TEP1: variants seen among roughly 807,000 people sequenced by gnomAD.
The protein encoded by TEP1 is telomerase protein component 1.
In TEP1, 241 loss-of-function variants were observed where a neutral mutation model predicts 306.3. That is an observed-to-expected ratio of 0.79 (90% CI 0.71 to 0.88). The LOEUF (loss-of-function observed/expected upper bound fraction) is 0.88, where lower values mean the gene tolerates loss of function less well. Among genes scored for constraint, TEP1 ranks in the 40% least tolerant of loss-of-function variants. The pLI is 0.00. For missense variants in TEP1, 3,051 were observed against 3,276.1 expected (o/e 0.93, Z 1.68); for synonymous variants, 1,289 against 1,305.5 (o/e 0.99, Z 0.27).
intron 5 of TEP1, 86 bp downstream of exon 5, chr14:20,404,525 T>C: frequency 6.7e-7 from 1 of 1,499,438 alleles, no homozygotes; most frequent in Non-Finnish European, 8.9e-7. Context: ...GGAAACCAAA[T>C]TGCCTGAGAA....
rs760721934 is a variant in TEP1, at chr14:20,373,673, G to A, written c.6604+5C>T. On this transcript the variant is annotated splice_donor_5th_base_variant and intron_variant, in intron 45 of 54. Coordinates refer to ENST00000262715, the MANE Select transcript of TEP1 (RefSeq NM_007110.5). ...GGGAAGGGGAGGTGGCTGACGTTTT[G>A]TTACCTGCACGGGGCTCCATGGCAG... The A allele has an allele frequency of 1.2e-6, 2 of 1,614,204 alleles. No individual in the cohort carries two copies. Among genetic ancestry groups the A allele is most frequent in the Non-Finnish European group, 1.7e-6 (2 of 1,180,042 alleles).
rs748096009 is a variant in TEP1, at chr14:20,377,612, T to C, written c.5863A>G (p.Lys1955Glu). 6.2e-7 allele frequency: 1 copy of C among 1,613,954 alleles called. No homozygotes were observed. Among genetic ancestry groups the C allele is most frequent in the African/African-American group, 1.3e-5 (1 of 74,882 alleles). ...CCCATTTCAGTACCTGAAGAGATTT[T>C]GTAGATCCTAATGCCATCCGCTCGA... ...GYRADGIRIYKISSGSQGAQG... is the reference protein window; with the variant it reads ...GYRADGIRIYEISSGSQGAQG... Residue 1955 changes from lysine to glutamate, a missense_variant, in exon 40 of 55, where the codon AAA (lysine) becomes GAA (glutamate). Physicochemically the swap from Lys to Glu is moderately conservative, Grantham distance 56 (BLOSUM62 1). This residue lies in a region of TEP1 where 1,540 missense variants were observed against 1,705.9 expected (regional missense o/e 0.90). Coordinates refer to ENST00000262715, the MANE Select transcript of TEP1 (RefSeq NM_007110.5).
chr14:20,366,807 C>T lies in TEP1; in HGVS notation c.*1630G>A, dbSNP rs1004641307. 3.9e-5 allele frequency: 6 copies of T among 152,348 alleles called. No homozygotes were observed. The highest frequency in any genetic ancestry group is 1.4e-4 in the African/African-American group (6 of 41,574). 9.4% of individuals were successfully genotyped at this position (152,348 alleles called of 1,614,324 possible). On this transcript the variant is annotated 3_prime_UTR_variant, in exon 55 of 55. Transcript: ENST00000262715. ...CTCCTACAAGTCCTTGAATTCTTGG[C>T]CACAGAAGACATTTCCTTCTTCTTT...
chr14:20,404,068 G>C (rs1234840844), intron 5 of TEP1, among the ~76,000 whole-genome samples, 184 bp from the exon 6 acceptor site: 1 of 152,128 alleles, frequency 6.6e-6, no homozygotes, highest in African/African-American at 2.4e-5. Flanking sequence ...TGAGGTCCTG[G>C]CTGGGCAGGG....
rs770239403 is a variant in TEP1 at position 20,373,804 on chromosome 14, GCTC to G, written c.6475_6477del (p.Glu2159del). 6.1e-5 allele frequency: 98 copies of G among 1,612,790 alleles called. 2 individuals are homozygous for G. The South Asian group carries it at 1.1e-3, about 18-fold the overall frequency. ...CCATCCCGGCTCACAGACACCACGT[GCTC>G]CTCCTGCCCACAGAGCACAAGATCA... On this transcript the variant is annotated inframe_deletion, in exon 45 of 55. Coordinates refer to ENST00000262715, the MANE Select transcript of TEP1 (RefSeq NM_007110.5).
chr14:20,382,143 T>A, intron 29 of TEP1, 80 bp from the exon 30 acceptor site: 1 of 1,611,138 alleles, frequency 6.2e-7, no homozygotes, highest in South Asian at 1.1e-5. Context: ...CTCCTTGAAC[T>A]GCCTGCTGAG....
chr14:20,392,476 G>A (rs566872419), intron 12 of TEP1, among the ~76,000 whole-genome samples: 13 of 121,096 alleles, frequency 1.1e-4, no homozygotes, highest in African/African-American at 3.8e-4. Context: ...TAGAGCTAAT[G>A]CCCAGTGAAC....
Position 20,391,616 on chromosome 14 carries a change from T to C in TEP1, c.2080A>G (p.Lys694Glu). The change falls in exon 13 of 55, where the codon AAG becomes GAG. Residue 694 changes from lysine (K) to glutamate (E), a missense_variant. By Grantham distance (56) the Lys-to-Glu change is moderately conservative (BLOSUM62 1). This residue lies in a region of TEP1 where 1,507 missense variants were observed against 1,550.5 expected (regional missense o/e 0.97). Coordinates refer to ENST00000262715, the MANE Select transcript of TEP1 (RefSeq NM_007110.5). The stretch of plus-strand genomic sequence containing the variant: ...TTTCTTACCCCTTGTGGGTTGCTCT[T>C]TGGACAGAGCCTGTCTGCATTAGCA... Reference protein sequence around the residue: ...TDANADRLCPKSNPQGPPLNY... With the variant: ...TDANADRLCPESNPQGPPLNY... The C allele has an allele frequency of 6.2e-7, 1 of 1,613,868 alleles. No individual in the cohort carries two copies. The highest frequency in any genetic ancestry group is 8.5e-7 in the Non-Finnish European group (1 of 1,179,918).
rs774123918 is a variant in TEP1 at position 20,386,414 on chromosome 14, C to T, written c.2861+33G>A. ...GTCCACCACTCAAGCCCCTCATCCC[C>T]GACCCAGCCCCTCTTCTCTGCAGCC... is the stretch of plus-strand genomic sequence containing the variant. On this transcript the variant is annotated intron_variant, in intron 19 of 54. Transcript: ENST00000262715. 5 of 1,580,900 alleles carry T rather than the reference C, an allele frequency of 3.2e-6. No homozygotes were observed. The South Asian group carries it at 3.4e-5, about 11-fold the overall frequency.
Position 20,380,991 on chromosome 14 carries a change from C to G in TEP1, c.4702G>C (p.Val1568Leu). 2 of 1,614,142 alleles carry G rather than the reference C, an allele frequency of 1.2e-6. No homozygotes were observed. The highest frequency in any genetic ancestry group is 8.5e-7 in the Non-Finnish European group (1 of 1,180,038). ...LSKFLTNLHV[V>L]AAHLELGLVS... ...AGACCCAATTCCAAGTGTGCAGCCA[C>G]CACATGGAGGTTGGTAAGGAACTTC... Residue 1568 changes from valine to leucine, a missense_variant, in exon 33 of 55, where the codon GTG becomes CTG. By Grantham distance (32) the Val-to-Leu change is conservative. This residue lies in a region of TEP1 where 1,540 missense variants were observed against 1,705.9 expected (regional missense o/e 0.90). Coordinates refer to ENST00000262715, the MANE Select transcript of TEP1 (RefSeq NM_007110.5).
Position 20,378,866 on chromosome 14 carries a change from G to T in TEP1, c.5253-13C>A, listed in dbSNP as rs760044990. On this transcript the variant is annotated splice_polypyrimidine_tract_variant and intron_variant, in intron 36 of 54. Transcript: ENST00000262715. ...AGTCTGCAGCACCCTATCCCAGGAA[G>T]ATGAAGTCAGTCCTCTGGACCCTGG... 2.2e-5 allele frequency: 36 copies of T among 1,613,994 alleles called. 1 individual carries two copies. The South Asian group carries it at 3.8e-4, about 17-fold the overall frequency.
At chr14:20,394,923 C>T (rs777291701) in intron 12 of TEP1, among the ~76,000 whole-genome samples, 5 of 152,014 alleles carry the variant, frequency 3.3e-5, no homozygotes, top group Non-Finnish European at 7.4e-5. Context: ...ACTGATGAAC[C>T]ACTTAAAAAG....
chr14:20,401,324 C>T (rs1878719956), intron 8 of TEP1, 133 bp downstream of exon 8: 2 of 1,400,278 alleles, frequency 1.4e-6, no homozygotes, highest in African/African-American at 1.4e-5. Flanking sequence ...ATTGGAAAGG[C>T]AGTCATGTCT....
At chr14:20,394,874 G>T (rs773545141) in intron 12 of TEP1, among the ~76,000 whole-genome samples, 1 of 152,154 alleles carries the variant, frequency 6.6e-6, no homozygotes, top group Non-Finnish European at 1.5e-5. Flanking sequence ...AAAGTTAAGT[G>T]AGTCCTGTGT....
chr14:20,395,778 A>G, intron 11 of TEP1, 81 bp downstream of exon 11: 1 of 1,532,178 alleles, frequency 6.5e-7, no homozygotes, highest in East Asian at 2.3e-5. Flanking sequence ...GCAAAGCAAG[A>G]GGCTAAAAAT....
intron 6 of TEP1, 36 bp downstream of exon 6, chr14:20,403,687 A>G (rs55790286): frequency 0.14 from 228,444 of 1,612,052 alleles, 17,521 homozygotes; most frequent in Non-Finnish European, 0.16. Flanking sequence ...TCCTGGAGAA[A>G]AGGGGCGTGG....
At position 20,381,823 on chromosome 14, in the gene TEP1, GAGCCAGTTGTTGA is replaced by G; in HGVS notation, c.4424+77_4424+89del. ...GAGCAGTAGCTCATTCATGGTCTGG[GAGCCAGTTGTTGA>G]AGCTATACAGAGGGCCCCGGCTCAA... On this transcript the variant is annotated intron_variant, in intron 30 of 54. Transcript: ENST00000262715. This position sits in a 1 kb window ranked among gnomAD's most constrained non-coding sequence, Gnocchi z 4.0. 1 of 1,553,332 alleles carries G rather than the reference GAGCCAGTTGTTGA, an allele frequency of 6.4e-7. No individual in the cohort carries two copies. The highest frequency in any genetic ancestry group is 8.7e-7 in the Non-Finnish European group (1 of 1,152,230).
intron 12 of TEP1, among the ~76,000 whole-genome samples, chr14:20,393,725 G>A (rs1257300456): frequency 1.3e-5 from 2 of 152,022 alleles, no homozygotes; most frequent in African/African-American, 4.8e-5. Flanking sequence ...AGGGGAGGCA[G>A]GGGTTGCAGT....
In TEP1 at chr14:20,413,390, C is replaced by T. The variant is rs986796549; in HGVS notation, c.-25+15G>A. 6.6e-5 allele frequency: 10 copies of T among 152,346 alleles called. No individual in the cohort carries two copies. The highest frequency in any genetic ancestry group is 2.4e-4 in the African/African-American group (10 of 41,454). 9.4% of individuals were successfully genotyped at this position (152,346 alleles called of 1,614,324 possible). On this transcript the variant is annotated intron_variant, in intron 1 of 54. Transcript: ENST00000262715. ...CCCTACCTTAGACTGGGGCTGGAAACCCTGGGTGCCTGACCTGGGGCGTCC... is the reference window on the plus strand; with the variant it reads ...CCCTACCTTAGACTGGGGCTGGAAATCCTGGGTGCCTGACCTGGGGCGTCC...
Sources: allele counts gnomAD v4.1 joint callset (sites outside exome capture counted in the v4.1 genomes callset), GRCh38; gene constraint gnomAD v4.1.1; regional missense constraint gnomAD v4.1.1; non-coding constraint Gnocchi (gnomAD v3.1); transcripts MANE v1.5; gene names NCBI Gene and HGNC (gene_info 2026-07-23, HGNC 2026-07-21).